The following MYO3B variants were observed in gnomAD, a reference collection of about 807,000 sequenced individuals.
MYO3B encodes myosin IIIB.
MYO3B carries 156 observed loss-of-function variants against 174.6 expected under a neutral mutation model. The ratio of observed to expected loss-of-function variants is 0.89; its 90% CI spans 0.78 to 1.02. The LOEUF is 1.02. Among genes scored for constraint, MYO3B ranks in the 50% least tolerant of loss-of-function variants. The pLI, the probability that MYO3B is intolerant of heterozygous loss-of-function variation, is 0.00. For missense variants in MYO3B, 1,632 were observed against 1,639.4 expected, an observed-to-expected ratio of 1.00 and a Z score of 0.08; for synonymous variants, 563 against 569.1, an observed-to-expected ratio of 0.99 and a Z score of 0.15.
intron 32 of MYO3B, among the ~76,000 whole-genome samples, chr2:170,570,286 AC>A (rs1692353485): frequency 2.6e-5 from 4 of 152,294 alleles, no homozygotes; most frequent in Middle Eastern, 3.4e-3. Flanking sequence ...GGGAAAGGAG[AC>A]TTGAATGTAA....
chr2:170,308,380 A>G (rs552599575), intron 7 of MYO3B, among the ~76,000 whole-genome samples: 13 of 152,336 alleles, frequency 8.5e-5, no homozygotes, highest in African/African-American at 2.9e-4. Flanking sequence ...AGTGCGACAC[A>G]TGCATCTCTC....
chr2:170,598,804 G>A (rs2106338325), intron 32 of MYO3B, among the ~76,000 whole-genome samples: 1 of 152,280 alleles, frequency 6.6e-6, no homozygotes, highest in Non-Finnish European at 1.5e-5. Context: ...GGTAATAACA[G>A]TACAAATCTT....
intron 17 of MYO3B, 83 bp downstream of exon 17, chr2:170,400,397 T>C (rs922347841): frequency 1.5e-6 from 2 of 1,356,598 alleles, no homozygotes; most frequent in Non-Finnish European, 2.0e-6. Flanking sequence ...CAGCATTTGC[T>C]GGTCCTTTTT....
chr2:170,466,819 T>C (rs1199996430), intron 25 of MYO3B, 108 bp downstream of exon 25: 35 of 1,086,542 alleles, frequency 3.2e-5, no homozygotes, highest in Non-Finnish European at 4.3e-5. Context: ...AACATGTAAT[T>C]GGCTAGTTGC....
chr2:170,439,732 A>G (rs1574981137), intron 22 of MYO3B, among the ~76,000 whole-genome samples: 1 of 152,200 alleles, frequency 6.6e-6, no homozygotes, highest in Non-Finnish European at 1.5e-5. Flanking sequence ...CCAGGCTGGA[A>G]TGCAGTGGTG....
intron 8 of MYO3B, chr2:170,349,766 C>T (rs1320535984): frequency 7.1e-6 from 1 of 140,694 alleles, no homozygotes; most frequent in Non-Finnish European, 1.5e-5. Flanking sequence ...CCACTGCACT[C>T]CAGCCTGAGC....
At position 170,298,119 on chromosome 2, in the gene MYO3B, A is replaced by G. The variant is rs920335133; in HGVS notation, c.750-37266A>G. Among the ~76,000 whole-genome samples the G allele has an allele frequency of 3.9e-5, 6 of 152,306 alleles. No homozygotes were observed. The East Asian group carries it at 1.2e-3, about 29-fold the overall frequency. On this transcript the variant is annotated intron_variant, in intron 7 of 34. Coordinates refer to ENST00000408978, the MANE Select transcript of MYO3B (RefSeq NM_138995.5). ...CTGTTCTCTGGAAATTTTCTTCTAG[A>G]GAATTAGAATTATTCTCAAGGTAAT...
At chr2:170,519,848 CTGT>C (rs1688556960) in intron 30 of MYO3B, 2 of 253,380 alleles carry the variant, frequency 7.9e-6, no homozygotes, top group African/African-American at 4.6e-5. Context: ...TGGCATGTGC[CTGT>C]AATCCCAGCT....
chr2:170,568,840 G>A (rs948573949), intron 32 of MYO3B, among the ~76,000 whole-genome samples: 2 of 152,200 alleles, frequency 1.3e-5, no homozygotes, highest in East Asian at 3.8e-4. Context: ...TACTAGGGCT[G>A]ACAAAGTCAA....
At chr2:170,609,778 GT>G (rs1461804704) in intron 32 of MYO3B, among the ~76,000 whole-genome samples, 1 of 152,204 alleles carries the variant, frequency 6.6e-6, no homozygotes, top group African/African-American at 2.4e-5. Flanking sequence ...ACAAAGGGCT[GT>G]TCCTCTTCCA....
intron 32 of MYO3B, among the ~76,000 whole-genome samples, chr2:170,589,664 T>G (rs1240119418): frequency 6.6e-6 from 1 of 152,208 alleles, no homozygotes; most frequent in African/African-American, 2.4e-5. Context: ...TAAGTGTTAT[T>G]ATGAGTCAAA....
In MYO3B at chr2:170,352,680, A is replaced by G. The variant is rs140575025; in HGVS notation, c.816-16542A>G. 3.4e-3 allele frequency among the ~76,000 whole-genome samples: 517 copies of G among 152,318 alleles called. 2 individuals carry two copies. The highest frequency in any genetic ancestry group is 7.5e-3 in the South Asian group (36 of 4,822). On this transcript the variant is annotated intron_variant, in intron 8 of 34. Coordinates refer to ENST00000408978, the MANE Select transcript of MYO3B (RefSeq NM_138995.5). ...CACCATAGCCAATTTCAAGCTATCA[A>G]TCTGATATCAACCAGCTCACAGAAT...
intron 22 of MYO3B, among the ~76,000 whole-genome samples, chr2:170,419,687 A>G (rs756877488): frequency 3.3e-5 from 5 of 151,938 alleles, no homozygotes; most frequent in Non-Finnish European, 7.4e-5. Context: ...GGCCACCTAG[A>G]GCGGCTCTGC....
At chr2:170,581,668 T>TATGG (rs1239609460) in intron 32 of MYO3B, among the ~76,000 whole-genome samples, 5 of 152,206 alleles carry the variant, frequency 3.3e-5, no homozygotes, top group African/African-American at 1.2e-4. Flanking sequence ...TTTTTTTCTA[T>TATGG]ATGGATAACT....
chr2:170,452,883 C>T (rs1683676524), intron 23 of MYO3B, among the ~76,000 whole-genome samples: 1 of 152,106 alleles, frequency 6.6e-6, no homozygotes. Flanking sequence ...ATTTCCTAAG[C>T]GAAGAATTGA....
intron 22 of MYO3B, among the ~76,000 whole-genome samples, chr2:170,423,695 C>T (rs893989020): frequency 2.0e-5 from 3 of 151,370 alleles, no homozygotes; most frequent in Admixed American, 1.3e-4. Flanking sequence ...ATTCTCCTGC[C>T]TCAGCCTCCT....
At chr2:170,430,755 G>T (rs1052324090) in intron 22 of MYO3B, among the ~76,000 whole-genome samples, 1 of 152,156 alleles carries the variant, frequency 6.6e-6, no homozygotes, top group African/African-American at 2.4e-5. Context: ...CCTGGATTAA[G>T]TATCAGAAGA....
At chr2:170,430,217 T>A (rs1160580908) in intron 22 of MYO3B, among the ~76,000 whole-genome samples, 1 of 152,046 alleles carries the variant, frequency 6.6e-6, no homozygotes, top group Non-Finnish European at 1.5e-5. Context: ...TAGAAGGCCT[T>A]TACTGTATTA....
chr2:170,612,389 TCCTTTTTTTGTGTAAATAA>T (rs1456727876), intron 32 of MYO3B, among the ~76,000 whole-genome samples: 1 of 152,184 alleles, frequency 6.6e-6, no homozygotes, highest in Admixed American at 6.5e-5. Flanking sequence ...GACCTATGAT[TCCTTTTTTTGTGTAAATAA>T]CCTCTATCAC....
Sources: allele counts gnomAD v4.1 joint callset (sites outside exome capture counted in the v4.1 genomes callset), GRCh38; gene constraint gnomAD v4.1.1; transcripts MANE v1.5; gene names NCBI Gene and HGNC (gene_info 2026-07-23, HGNC 2026-07-21).